CCDC33: variants seen among roughly 807,000 people sequenced by gnomAD.
CCDC33 encodes coiled-coil domain containing 33.
CCDC33 carries 94 observed loss-of-function variants against 91.9 expected under a neutral mutation model. The ratio of observed to expected loss-of-function variants is 1.02; its 90% CI spans 0.87 to 1.21. The LOEUF is 1.21. Ranked by LOEUF, CCDC33 falls within the 50% of genes most tolerant of loss-of-function variation. The probability of loss-of-function intolerance (pLI) is 0.00; values close to 1 mark genes in which losing one functional copy is unlikely to be tolerated. For missense variants in CCDC33, 940 were observed against 935.5 expected (o/e 1.00, Z -0.06); for synonymous variants, 396 against 374.5 (o/e 1.06, Z -0.66).
chr15:74,222,709 G>A (rs921398754), intron 2 of CCDC33, among the ~76,000 whole-genome samples: 1 of 151,940 alleles, frequency 6.6e-6, no homozygotes, highest in Admixed American at 6.5e-5. Context: ...AGGAGAAGTG[G>A]AGGGGAAAGG....
At chr15:74,217,574 G>A in exon 1 of CCDC33, 1 of 1,238,462 alleles carries the variant, frequency 8.1e-7, no homozygotes, top group Non-Finnish European at 1.0e-6. Flanking sequence ...TCTTTACTTT[G>A]CCCAAAGGTA....
intron 7 of CCDC33, among the ~76,000 whole-genome samples, chr15:74,275,772 C>G (rs2076433654): frequency 6.6e-6 from 1 of 152,072 alleles, no homozygotes; most frequent in African/African-American, 2.4e-5. Context: ...TGGGTTCAAG[C>G]AATTCTCCTG....
Position 74,280,678 on chromosome 15 carries a change from C to T in CCDC33, c.900C>T (p.Ser300=). The change falls in exon 9 of 19, where the codon AGC becomes AGT. Residue 300 remains serine (S), a synonymous_variant. Transcript: ENST00000398814. ...ATCCTTCCCCCACAGTGAAAGGCAG[C>T]CAGCCGTGGACCCTCAACCAGCCCC... ...EYYSSTSMKG[S]QPWTLNQPLG... is the part of the protein sequence containing the mutation. The T allele has an allele frequency of 6.7e-7, 1 of 1,490,628 alleles. No individual in the cohort carries two copies. Among genetic ancestry groups the T allele is most frequent in the East Asian group, 2.6e-5 (1 of 38,852 alleles). 92.3% of individuals were successfully genotyped at this position (1,490,628 alleles called of 1,614,324 possible). A position where few individuals can be genotyped will look rare whatever the true frequency, so the allele number is the denominator to read the frequency against.
upstream of CCDC33, chr15:74,213,198 A>G (rs2074384640): frequency 6.8e-6 from 1 of 147,288 alleles, no homozygotes; most frequent in Admixed American, 6.9e-5. Flanking sequence ...TCTGGGCGAG[A>G]GAGCGAGACT....
In CCDC33 at chr15:74,295,967, G is replaced by A. The variant is rs778538621; in HGVS notation, c.1290+19G>A. The A allele has an allele frequency of 1.3e-6, 2 of 1,597,888 alleles. No homozygotes were observed. The highest frequency in any genetic ancestry group is 2.3e-5 in the South Asian group (2 of 88,774). On this transcript the variant is annotated intron_variant, in intron 11 of 18. Coordinates refer to ENST00000398814, the MANE Select transcript of CCDC33 (RefSeq NM_025055.5). ...TGACACAGTGAGTGTCTCTCCCCAG[G>A]TGGGAAGGGCCGGGGCAGTGATGAG...
At chr15:74,305,673 C>A (rs1480734614) in intron 11 of CCDC33, among the ~76,000 whole-genome samples, 1 of 152,218 alleles carries the variant, frequency 6.6e-6, no homozygotes, top group African/African-American at 2.4e-5. Flanking sequence ...TGTATTCTGG[C>A]ACAGGCACCT....
chr15:74,330,405 G>A, intron 12 of CCDC33, 51 bp downstream of exon 12: 1 of 1,496,442 alleles, frequency 6.7e-7, no homozygotes, highest in Non-Finnish European at 8.9e-7. Context: ...CTGGGCCCAG[G>A]CTCCAGGTTG....
chr15:74,277,249 G>T (rs1054478926), intron 7 of CCDC33, among the ~76,000 whole-genome samples: 3 of 152,216 alleles, frequency 2.0e-5, no homozygotes, highest in Admixed American at 6.5e-5. Context: ...ACACAGCAAG[G>T]TTGAGGCAGA....
intron 16 of CCDC33, chr15:74,333,278 C>T: frequency 6.2e-7 from 1 of 1,601,904 alleles, no homozygotes; most frequent in South Asian, 1.1e-5. Flanking sequence ...ACAAGAGACG[C>T]ATGGCCCAGG....
At chr15:74,210,183 T>C (rs1012835809) in intron 2 of CCDC33, among the ~76,000 whole-genome samples, 2 of 152,208 alleles carry the variant, frequency 1.3e-5, no homozygotes, top group Admixed American at 6.5e-5. Context: ...AAATTAACCT[T>C]TGGCACACTT....
intron 11 of CCDC33, among the ~76,000 whole-genome samples, chr15:74,329,183 C>T (rs552459296): frequency 6.6e-6 from 1 of 150,890 alleles, no homozygotes; most frequent in African/African-American, 2.5e-5. Flanking sequence ...TATATACATG[C>T]ACATGGGCAG....
intron 2 of CCDC33, among the ~76,000 whole-genome samples, chr15:74,223,515 C>G (rs1476544690): frequency 6.6e-6 from 1 of 152,064 alleles, no homozygotes; most frequent in East Asian, 1.9e-4. Context: ...ATTGTTCCCT[C>G]AATTACCCTG....
At chr15:74,249,069 C>G (rs943663514) in intron 2 of CCDC33, among the ~76,000 whole-genome samples, 4 of 152,288 alleles carry the variant, frequency 2.6e-5, no homozygotes, top group South Asian at 4.2e-4. Flanking sequence ...GGCAGCCCCC[C>G]ACCCTCCCTG....
chr15:74,230,569 C>T (rs2074939306), intron 2 of CCDC33, among the ~76,000 whole-genome samples: 1 of 152,238 alleles, frequency 6.6e-6, no homozygotes, highest in South Asian at 2.1e-4. Flanking sequence ...AATCCTTCAA[C>T]ATGGCAATCC....
intron 3 of CCDC33, among the ~76,000 whole-genome samples, chr15:74,263,099 A>G (rs1311900581): frequency 2.0e-5 from 3 of 152,162 alleles, no homozygotes; most frequent in Non-Finnish European, 4.4e-5. Context: ...ATGTCCCTAG[A>G]ATGGATCCCT....
intron 1 of CCDC33, among the ~76,000 whole-genome samples, chr15:74,238,851 T>G (rs2082730296): frequency 6.6e-6 from 1 of 151,786 alleles, no homozygotes; most frequent in African/African-American, 2.4e-5. Flanking sequence ...ACAGCAAGAG[T>G]GTGGGGTCAG....
chr15:74,307,355 C>G (rs2059910426), intron 11 of CCDC33, among the ~76,000 whole-genome samples: 1 of 152,216 alleles, frequency 6.6e-6, no homozygotes, highest in African/African-American at 2.4e-5. Context: ...GTACCCAGAA[C>G]TTCGGTCACA....
chr15:74,250,487 T>C (rs1340492113), intron 2 of CCDC33, among the ~76,000 whole-genome samples: 1 of 152,032 alleles, frequency 6.6e-6, no homozygotes, highest in Non-Finnish European at 1.5e-5. Context: ...CCCAGAAACA[T>C]TCTCCCTTCC....
upstream of CCDC33, among the ~76,000 whole-genome samples, chr15:74,232,581 A>G: frequency 6.6e-6 from 1 of 151,978 alleles, no homozygotes; most frequent in East Asian, 1.9e-4. Flanking sequence ...CTCTTTCTCC[A>G]TTGCTTTTGG....
Sources: allele counts gnomAD v4.1 joint callset (sites outside exome capture counted in the v4.1 genomes callset), GRCh38; gene constraint gnomAD v4.1.1; transcripts MANE v1.5; gene names NCBI Gene and HGNC (gene_info 2026-07-23, HGNC 2026-07-21).